BTBD9: variants seen among roughly 807,000 people sequenced by gnomAD.
The protein encoded by BTBD9 is BTB domain containing 9, also known as BTB/POZ domain-containing protein 9.
A neutral mutation model predicts 64.3 loss-of-function variants in BTBD9; 49 were observed. The observed-to-expected ratio is 0.76, with a 90% CI of 0.61 to 0.97. The LOEUF (loss-of-function observed/expected upper bound fraction) is 0.97. BTBD9 is among the 50% of genes least tolerant of loss of function. The probability of loss-of-function intolerance (pLI) is 0.00; values close to 1 mark genes in which losing one functional copy is unlikely to be tolerated. For synonymous variants in BTBD9, 260 were observed against 274.7 expected, an observed-to-expected ratio of 0.95 and a Z score of 0.53; for missense variants, 598 against 762.1, an observed-to-expected ratio of 0.78 and a Z score of 2.53.
intron 8 of BTBD9, among the ~76,000 whole-genome samples, chr6:38,287,238 A>G (rs1761776931): frequency 6.6e-6 from 1 of 151,830 alleles, no homozygotes; most frequent in African/African-American, 2.4e-5. Flanking sequence ...TGACTCACCC[A>G]GAGCAACTTC....
At chr6:38,314,790 TA>T (rs1402148663) in intron 7 of BTBD9, among the ~76,000 whole-genome samples, 1 of 152,348 alleles carries the variant, frequency 6.6e-6, no homozygotes, top group East Asian at 1.9e-4. Context: ...TAGCAGCCTC[TA>T]ATGATCCTTT....
At chr6:38,217,699 C>CT (rs1008904351) in intron 9 of BTBD9, among the ~76,000 whole-genome samples, 6 of 140,356 alleles carry the variant, frequency 4.3e-5, no homozygotes, top group African/African-American at 5.5e-5. Context: ...TTTCTTTTTT[C>CT]TTTTTTTTTT....
chr6:38,487,285 C>T (rs1447305453), intron 6 of BTBD9, among the ~76,000 whole-genome samples: 9 of 151,962 alleles, frequency 5.9e-5, no homozygotes, highest in Non-Finnish European at 7.4e-5. Flanking sequence ...GAAGACCTAC[C>T]TTAGGAGGGG....
intron 9 of BTBD9, among the ~76,000 whole-genome samples, chr6:38,209,118 T>A (rs909305652): frequency 7.2e-5 from 11 of 152,314 alleles, no homozygotes; most frequent in South Asian, 4.1e-4. Flanking sequence ...CTGGCATGCA[T>A]GAGTCCTCTT....
chr6:38,397,419 G>A (rs1253920138), intron 6 of BTBD9, among the ~76,000 whole-genome samples: 3 of 152,336 alleles, frequency 2.0e-5, no homozygotes, highest in Non-Finnish European at 2.9e-5. Context: ...GGCTGTGGAA[G>A]AGGGGAGGAA....
chr6:38,308,915 G>A (rs1211307415), intron 7 of BTBD9, among the ~76,000 whole-genome samples: 2 of 151,652 alleles, frequency 1.3e-5, no homozygotes, highest in Non-Finnish European at 2.9e-5. Context: ...GAGCCACTGC[G>A]CCTGGGCCAA....
At chr6:38,548,675 G>C (rs1027028682) in intron 6 of BTBD9, among the ~76,000 whole-genome samples, 1 of 152,108 alleles carries the variant, frequency 6.6e-6, no homozygotes, top group Non-Finnish European at 1.5e-5. Context: ...TACATAAAAA[G>C]AAACAGTGTA....
At chr6:38,279,776 A>G (rs1396842647) in intron 8 of BTBD9, among the ~76,000 whole-genome samples, 2 of 152,188 alleles carry the variant, frequency 1.3e-5, no homozygotes, top group African/African-American at 4.8e-5. Context: ...AGAGTTCTTA[A>G]CAATTCTAGA....
intron 6 of BTBD9, among the ~76,000 whole-genome samples, chr6:38,486,364 C>T (rs916868311): frequency 1.3e-5 from 2 of 152,240 alleles, no homozygotes; most frequent in Non-Finnish European, 2.9e-5. Flanking sequence ...TCTTAAGAGG[C>T]TTAGCTTTCA....
chr6:38,390,360 T>C (rs1766357555), intron 6 of BTBD9, among the ~76,000 whole-genome samples: 1 of 152,108 alleles, frequency 6.6e-6, no homozygotes, highest in South Asian at 2.1e-4. Flanking sequence ...GCTGGGATTA[T>C]AGGCATGAGC....
intron 6 of BTBD9, among the ~76,000 whole-genome samples, chr6:38,497,107 T>C (rs1350448603): frequency 6.6e-6 from 1 of 152,156 alleles, no homozygotes; most frequent in African/African-American, 2.4e-5. Context: ...GACAGATGGG[T>C]CTAGACACAT....
intron 6 of BTBD9, among the ~76,000 whole-genome samples, chr6:38,565,449 G>T (rs1235968000): frequency 6.6e-6 from 1 of 151,926 alleles, no homozygotes; most frequent in African/African-American, 2.4e-5. Context: ...CTGTTCCCAT[G>T]AGATGACCTC....
intron 6 of BTBD9, among the ~76,000 whole-genome samples, chr6:38,412,557 TAAA>T (rs775919553): frequency 7.2e-6 from 1 of 138,254 alleles, no homozygotes; most frequent in Non-Finnish European, 1.6e-5. Flanking sequence ...TGGACTACAT[TAAA>T]AAAAAAAAAA....
intron 6 of BTBD9, among the ~76,000 whole-genome samples, chr6:38,350,576 C>T (rs1045231324): frequency 2.6e-5 from 4 of 152,166 alleles, no homozygotes; most frequent in Admixed American, 6.5e-5. Context: ...TTAACTAAAG[C>T]TAAAATCCAT....
In BTBD9 at chr6:38,539,558, G is replaced by A. The variant is rs13197652; in HGVS notation, c.1154+38042C>T. Among the ~76,000 whole-genome samples, 560 of 152,304 alleles carry A rather than the reference G, an allele frequency of 3.7e-3. 7 individuals carry two copies. Among genetic ancestry groups the A allele is most frequent in the Middle Eastern group, 0.014 (4 of 294 alleles). Reference sequence around the variant, plus strand: ...GATATTAACCAAAGGTAGAAACACGGATGATCAAAAATAACTTGCAAACCA... The same window carrying A: ...GATATTAACCAAAGGTAGAAACACGAATGATCAAAAATAACTTGCAAACCA... On this transcript the variant is annotated intron_variant, in intron 6 of 10. Coordinates refer to ENST00000481247, the MANE Select transcript of BTBD9 (RefSeq NM_001099272.2).
chr6:38,247,422 G>T (rs1764246389), intron 9 of BTBD9, among the ~76,000 whole-genome samples: 1 of 152,210 alleles, frequency 6.6e-6, no homozygotes, highest in Non-Finnish European at 1.5e-5. Flanking sequence ...TCTCGGATAT[G>T]AATACAATCA....
chr6:38,303,271 A>G (rs563405467), intron 7 of BTBD9, among the ~76,000 whole-genome samples: 90 of 152,064 alleles, frequency 5.9e-4, no homozygotes, highest in African/African-American at 1.8e-3. Context: ...TTATTGTTTC[A>G]GGTCTTACTT....
At chr6:38,623,755 G>A (rs1206674400) in intron 1 of BTBD9, among the ~76,000 whole-genome samples, 2 of 152,136 alleles carry the variant, frequency 1.3e-5, no homozygotes, top group African/African-American at 4.8e-5. Flanking sequence ...TTGCCTTTGG[G>A]CCCTGTATTT....
At chr6:38,213,471 A>C (rs1049260566) in intron 9 of BTBD9, among the ~76,000 whole-genome samples, 2 of 152,160 alleles carry the variant, frequency 1.3e-5, no homozygotes, top group Non-Finnish European at 2.9e-5. Context: ...ACACACTGGA[A>C]TCTCTGAATA....
Sources: gnomAD v4.1 joint callset for allele counts (sites outside exome capture counted in the v4.1 genomes callset) on GRCh38, gnomAD v4.1.1 for gene constraint, MANE v1.5 for transcripts, NCBI Gene and HGNC (gene_info 2026-07-23, HGNC 2026-07-21) for gene names.